LDLRAP1: variants seen among roughly 807,000 people sequenced by gnomAD.
The protein encoded by LDLRAP1 is low density lipoprotein receptor adapter protein 1.
A neutral mutation model predicts 37.8 loss-of-function variants in LDLRAP1; 30 were observed. That is an observed-to-expected ratio of 0.79 (90% confidence interval 0.59 to 1.08). The LOEUF (loss-of-function observed/expected upper bound fraction) is 1.08. Ranked by LOEUF, LDLRAP1 falls within the 50% of genes least tolerant of loss-of-function variation. The pLI, the probability that LDLRAP1 is intolerant of heterozygous loss-of-function variation, is 0.00. For missense variants in LDLRAP1, 375 were observed against 401.6 expected, an observed-to-expected ratio of 0.93 and a Z score of 0.57; for synonymous variants, 156 against 169.8, an observed-to-expected ratio of 0.92 and a Z score of 0.63.
intron 8 of LDLRAP1, among the ~76,000 whole-genome samples, 178 bp downstream of exon 8, chr1:25,565,385 A>G (rs1419126853): frequency 6.6e-6 from 1 of 152,174 alleles, no homozygotes; most frequent in East Asian, 1.9e-4. Flanking sequence ...ACTGGGGAGG[A>G]AACCCCTTCC....
Position 25,565,270 on chromosome 1 carries a change from T to G in LDLRAP1, c.782+63T>G, listed in dbSNP as rs1351683228. On this transcript the variant is annotated intron_variant, in intron 8 of 8. Coordinates refer to ENST00000374338, the MANE Select transcript of LDLRAP1 (RefSeq NM_015627.3). ...GTGCGTGGGCTGGCCCTGCTGCCCT[T>G]TCTCCTGGGGACCTTTCCCCTGATT... 96 of 1,570,624 alleles carry G rather than the reference T, an allele frequency of 6.1e-5. 1 individual carries two copies. Among genetic ancestry groups the G allele is most frequent in the Non-Finnish European group, 3.5e-6 (4 of 1,140,678 alleles).
At chr1:25,588,976 C>A in the LDLRAP1 span, among the ~76,000 whole-genome samples, 1 of 152,196 alleles carries the variant, frequency 6.6e-6, no homozygotes, top group Non-Finnish European at 1.5e-5. Context: ...ATGTCCACTT[C>A]TGCATCTGCA....
At chr1:25,574,015 G>T in the LDLRAP1 span, among the ~76,000 whole-genome samples, 1 of 152,268 alleles carries the variant, frequency 6.6e-6, no homozygotes, top group Non-Finnish European at 1.5e-5. Flanking sequence ...AAGGAAAAAG[G>T]GCGGTGGGGG....
At chr1:25,581,089 C>G in the LDLRAP1 span, among the ~76,000 whole-genome samples, 1 of 152,220 alleles carries the variant, frequency 6.6e-6, no homozygotes, top group South Asian at 2.1e-4. Flanking sequence ...GCTTGGGGGC[C>G]GGTCCTGGAC....
rs778553491 is a variant in LDLRAP1 at position 25,567,027 on chromosome 1, C to T, written c.*35C>T. ...GCCAGCCGGACACAAGCGGCCCTGA[C>T]ACGTGATGGACCAAAGCCACCTGCT... On this transcript the variant is annotated 3_prime_UTR_variant, in exon 9 of 9. Coordinates refer to ENST00000374338, the MANE Select transcript of LDLRAP1 (RefSeq NM_015627.3). 5 of 1,612,642 alleles carry T rather than the reference C, an allele frequency of 3.1e-6. No homozygotes were observed. The Admixed American group carries it at 6.7e-5, about 21-fold the overall frequency.
At chr1:25,587,733 A>G in the LDLRAP1 span, among the ~76,000 whole-genome samples, 1 of 152,104 alleles carries the variant, frequency 6.6e-6, no homozygotes, top group African/African-American at 2.4e-5. Flanking sequence ...GTTACTGAGA[A>G]CTGCTATCCA....
At chr1:25,587,628 G>A in the LDLRAP1 span, among the ~76,000 whole-genome samples, 1 of 152,358 alleles carries the variant, frequency 6.6e-6, no homozygotes, top group East Asian at 1.9e-4. Context: ...CAGAAGGAAA[G>A]TTAGTGTTTC....
chr1:25,554,213 T>G lies in LDLRAP1; in HGVS notation c.231+149T>G, dbSNP rs1436658888. 1 of 1,015,092 alleles carries G rather than the reference T, an allele frequency of 9.9e-7. No homozygotes were observed. Among genetic ancestry groups the G allele is most frequent in the South Asian group, 1.5e-5 (1 of 65,694 alleles). The allele number at this position is 1,015,092 out of a possible 1,614,324, so 62.9% of individuals were successfully genotyped here. A position where few individuals can be genotyped will look rare whatever the true frequency, so the allele number is the denominator to read the frequency against. On this transcript the variant is annotated intron_variant, in intron 2 of 8. Coordinates refer to ENST00000374338, the MANE Select transcript of LDLRAP1 (RefSeq NM_015627.3). This position sits in a 1 kb window ranked among gnomAD's most constrained non-coding sequence, Gnocchi z 5.4. ...CTCCTTCCATCCAGCTTTTGGGCCT[T>G]GGCAGAGGGGAACCATTGGACTTGC...
At chr1:25,549,894 G>T (rs1394211623) in intron 1 of LDLRAP1, 2 of 152,440 alleles carry the variant, frequency 1.3e-5, no homozygotes, top group Non-Finnish European at 2.9e-5. Flanking sequence ...CAGGAGGGAA[G>T]CAGCTTCCTA....
At chr1:25,564,115 A>C (rs1572054772) in intron 7 of LDLRAP1, 3 of 363,102 alleles carry the variant, frequency 8.3e-6, no homozygotes, top group East Asian at 6.4e-5. Flanking sequence ...CGCTCCTACC[A>C]CCCCTCCCCC....
chr1:25,557,092 C>A, intron 3 of LDLRAP1, 61 bp from the exon 4 acceptor site: 1 of 1,263,964 alleles, frequency 7.9e-7, no homozygotes, highest in South Asian at 1.2e-5. Context: ...CCCTGCAGGG[C>A]TTCCCACATG....
chr1:25,574,431 A>C, the LDLRAP1 span, among the ~76,000 whole-genome samples: 1 of 152,238 alleles, frequency 6.6e-6, no homozygotes, highest in African/African-American at 2.4e-5. Context: ...GCAAGCGGGC[A>C]GATGGAAGGT....
At chr1:25,578,906 G>C in the LDLRAP1 span, among the ~76,000 whole-genome samples, 2 of 152,188 alleles carry the variant, frequency 1.3e-5, no homozygotes, top group South Asian at 4.1e-4. Flanking sequence ...AGAGCTGTAC[G>C]TTGTCACAGA....
At chr1:25,582,201 C>T in the LDLRAP1 span, among the ~76,000 whole-genome samples, 7 of 152,204 alleles carry the variant, frequency 4.6e-5, no homozygotes, top group African/African-American at 1.2e-4. Context: ...TGAGTTGGTA[C>T]GTCCTTGGCC....
chr1:25,583,940 G>A, the LDLRAP1 span, among the ~76,000 whole-genome samples: 13 of 152,072 alleles, frequency 8.5e-5, no homozygotes, highest in South Asian at 6.2e-4. Flanking sequence ...TTCAAGTTTC[G>A]TCACGTTGTA....
In LDLRAP1 at chr1:25,568,784, CCG is replaced by C. The variant is rs1272957829; in HGVS notation, c.*1793_*1794del. Reference sequence around the variant, plus strand: ...TCTCCATCTCTGGTTGACGGGCTGTCCGTGTGCCTCCTGTGTGTCTGCAGACA... The same window carrying C: ...TCTCCATCTCTGGTTGACGGGCTGTCTGTGCCTCCTGTGTGTCTGCAGACA... On this transcript the variant is annotated 3_prime_UTR_variant, in exon 9 of 9. Transcript: ENST00000374338. 6.6e-6 allele frequency: 1 copy of C among 152,248 alleles called. No homozygotes were observed. Among genetic ancestry groups the C allele is most frequent in the Non-Finnish European group, 1.5e-5 (1 of 68,048 alleles). 9.4% of individuals were successfully genotyped at this position (152,248 alleles called of 1,614,324 possible). A position where few individuals can be genotyped will look rare whatever the true frequency, so the allele number is the denominator to read the frequency against.
Position 25,554,079 on chromosome 1 carries a change from C to A in LDLRAP1, c.231+15C>A. 2.5e-6 allele frequency: 4 copies of A among 1,613,260 alleles called. No individual in the cohort carries two copies. The highest frequency in any genetic ancestry group is 1.1e-5 in the South Asian group (1 of 91,064). On this transcript the variant is annotated intron_variant, in intron 2 of 8. Coordinates refer to ENST00000374338, the MANE Select transcript of LDLRAP1 (RefSeq NM_015627.3). This position sits in a 1 kb window ranked among gnomAD's most constrained non-coding sequence, Gnocchi z 5.4. The stretch of plus-strand genomic sequence containing the variant: ...TCGTGGCTACAGTGAGCACCCCAGT[C>A]AGGAAGGGTGGGGGAACCAGGGACC...
At chr1:25,570,972 A>G (rs2044597233), downstream of LDLRAP1, among the ~76,000 whole-genome samples, 1 of 152,166 alleles carries the variant, frequency 6.6e-6, no homozygotes, top group Non-Finnish European at 1.5e-5. Context: ...TCCTAGTCCC[A>G]TTTTCCTGAT....
chr1:25,548,735 A>G (rs1248813805), intron 1 of LDLRAP1, among the ~76,000 whole-genome samples: 1 of 152,162 alleles, frequency 6.6e-6, no homozygotes, highest in Non-Finnish European at 1.5e-5. Context: ...ATGCAGTGAT[A>G]TGATCATAGC....
Sources: allele counts gnomAD v4.1 joint callset (sites outside exome capture counted in the v4.1 genomes callset), GRCh38; gene constraint gnomAD v4.1.1; non-coding constraint Gnocchi (gnomAD v3.1); transcripts MANE v1.5; gene names NCBI Gene and HGNC (gene_info 2026-07-23, HGNC 2026-07-21).